TRIO: variants seen among roughly 807,000 people sequenced by gnomAD.
TRIO encodes triple functional domain protein.
Under a neutral mutation model 351.9 loss-of-function variants are expected in TRIO, and 58 were observed. That is an observed-to-expected ratio of 0.16 (90% confidence interval 0.13 to 0.21). The LOEUF (loss-of-function observed/expected upper bound fraction) is 0.21. Among genes scored for constraint, TRIO ranks in the 10% least tolerant of loss-of-function variants. The probability of loss-of-function intolerance (pLI) is 1.00; values close to 1 mark genes in which losing one functional copy is unlikely to be tolerated. For missense variants in TRIO, 3,201 were observed against 4,027.8 expected, an observed-to-expected ratio of 0.79 and a Z score of 5.56; for synonymous variants, 1,758 against 1,595.7, an observed-to-expected ratio of 1.10 and a Z score of -2.42.
intron 34 of TRIO, among the ~76,000 whole-genome samples, chr5:14,435,271 C>T (rs1369308381): frequency 6.6e-6 from 1 of 152,180 alleles, no homozygotes; most frequent in East Asian, 1.9e-4. Flanking sequence ...AGAGCACCCG[C>T]AGTTTGAATC....
At chr5:14,451,134 G>A (rs1752823073) in intron 34 of TRIO, among the ~76,000 whole-genome samples, 1 of 152,202 alleles carries the variant, frequency 6.6e-6, no homozygotes, top group Non-Finnish European at 1.5e-5. Context: ...GATTTCCCAA[G>A]TAATACCCCA....
chr5:14,373,565 C>T (rs1745306740), intron 18 of TRIO, among the ~76,000 whole-genome samples: 1 of 152,164 alleles, frequency 6.6e-6, no homozygotes, highest in Non-Finnish European at 1.5e-5. Context: ...TTATCTAAAA[C>T]CCTTATTTTA....
chr5:14,317,817 C>T (rs527245094), intron 9 of TRIO, among the ~76,000 whole-genome samples: 38 of 151,996 alleles, frequency 2.5e-4, no homozygotes, highest in African/African-American at 7.2e-4. Context: ...ATGGTGAAAC[C>T]GTGTCTCTAT....
intron 11 of TRIO, 92 bp downstream of exon 11, chr5:14,336,819 G>T: frequency 6.6e-6 from 9 of 1,359,632 alleles, no homozygotes; most frequent in Non-Finnish European, 9.2e-6. Flanking sequence ...ATGTGAGAAA[G>T]TGGACAAAGG....
intron 34 of TRIO, among the ~76,000 whole-genome samples, chr5:14,457,196 T>G (rs1256857951): frequency 6.6e-6 from 1 of 152,190 alleles, no homozygotes; most frequent in Non-Finnish European, 1.5e-5. Context: ...TTATGACCAC[T>G]GCTAACATTT....
At chr5:14,341,663 A>C (rs1741951941) in intron 11 of TRIO, among the ~76,000 whole-genome samples, 1 of 152,256 alleles carries the variant, frequency 6.6e-6, no homozygotes, top group Non-Finnish European at 1.5e-5. Context: ...CTTCATTCTC[A>C]AAATTAGGTC....
chr5:14,328,460 A>G (rs1438107779), intron 9 of TRIO, among the ~76,000 whole-genome samples: 1 of 152,178 alleles, frequency 6.6e-6, no homozygotes, highest in Admixed American at 6.5e-5. Context: ...AGTGTGCTCA[A>G]TACGTGAGTT....
At chr5:14,295,003 A>G (rs866096251) in intron 6 of TRIO, among the ~76,000 whole-genome samples, 8 of 152,152 alleles carry the variant, frequency 5.3e-5, no homozygotes, top group South Asian at 4.1e-4. Flanking sequence ...TTGTAATACA[A>G]TGCATGCGGG....
At chr5:14,419,590 A>G (rs1749942177) in intron 33 of TRIO, among the ~76,000 whole-genome samples, 188 bp from the exon 34 acceptor site, 2 of 152,210 alleles carry the variant, frequency 1.3e-5, no homozygotes, top group African/African-American at 2.4e-5. Flanking sequence ...CTCAGGTTCA[A>G]GAAATTTGGA....
At chr5:14,404,499 C>T (rs1001659743) in intron 31 of TRIO, among the ~76,000 whole-genome samples, 1 of 152,082 alleles carries the variant, frequency 6.6e-6, no homozygotes, top group Admixed American at 6.5e-5. Context: ...AACAGTTTTC[C>T]TCAGTTGTTT....
intron 43 of TRIO, 97 bp from the exon 44 acceptor site, chr5:14,481,137 G>C (rs1755480397): frequency 7.4e-7 from 1 of 1,342,532 alleles, no homozygotes; most frequent in African/African-American, 1.5e-5. Context: ...ACCAGCTTGA[G>C]TAACATAGTG....
At chr5:14,380,429 TC>T (rs1745999124) in intron 20 of TRIO, among the ~76,000 whole-genome samples, 1 of 152,150 alleles carries the variant, frequency 6.6e-6, no homozygotes, top group African/African-American at 2.4e-5. Flanking sequence ...TCGTATCCCA[TC>T]CCGCTTCCCA....
At chr5:14,207,518 C>A (rs1791608932) in intron 1 of TRIO, among the ~76,000 whole-genome samples, 1 of 44,200 alleles carries the variant, frequency 2.3e-5, no homozygotes, top group African/African-American at 6.3e-5. Flanking sequence ...GCAAGACTGT[C>A]TCTCTACACA....
intron 34 of TRIO, among the ~76,000 whole-genome samples, chr5:14,445,580 A>G (rs1029776033): frequency 2.6e-5 from 4 of 152,210 alleles, no homozygotes; most frequent in African/African-American, 7.2e-5. Context: ...TGCTATTGCT[A>G]CTTCTTGTTA....
At chr5:14,485,315 C>G in intron 47 of TRIO, 69 bp downstream of exon 47, 2 of 1,450,842 alleles carry the variant, frequency 1.4e-6, no homozygotes, top group Non-Finnish European at 1.8e-6. Context: ...TATCTTCCCT[C>G]TCCCATTCAT....
intron 13 of TRIO, among the ~76,000 whole-genome samples, chr5:14,362,176 G>A (rs773759967): frequency 3.3e-5 from 5 of 152,218 alleles, no homozygotes; most frequent in South Asian, 2.1e-4. Context: ...TGGAACTACC[G>A]TGTGCCTGTC....
intron 11 of TRIO, among the ~76,000 whole-genome samples, chr5:14,349,233 GTT>G (rs1491508870): frequency 9.4e-4 from 134 of 142,898 alleles, no homozygotes; most frequent in African/African-American, 2.6e-3. Context: ...TTTCCTGTGT[GTT>G]TGTGTGTGCA....
chr5:14,503,351 G>A (rs1279906371), intron 54 of TRIO, among the ~76,000 whole-genome samples: 2 of 152,252 alleles, frequency 1.3e-5, no homozygotes, highest in Non-Finnish European at 2.9e-5. Flanking sequence ...GGCTCCTGTT[G>A]CTGTCTCTGT....
At chr5:14,332,784 G>A (rs1741021606) in intron 10 of TRIO, among the ~76,000 whole-genome samples, 1 of 152,172 alleles carries the variant, frequency 6.6e-6, no homozygotes, top group African/African-American at 2.4e-5. Context: ...TTTCCTTGCT[G>A]TAAAATGATA....
Sources: gnomAD v4.1 joint callset for allele counts (sites outside exome capture counted in the v4.1 genomes callset) on GRCh38, gnomAD v4.1.1 for gene constraint, MANE v1.5 for transcripts, NCBI Gene and HGNC (gene_info 2026-07-23, HGNC 2026-07-21) for gene names.